UNC13C: variants seen among roughly 807,000 people sequenced by gnomAD.
The protein encoded by UNC13C is unc-13 homolog C.
In UNC13C, 174 loss-of-function variants were observed where a neutral mutation model predicts 245.4. That is an observed-to-expected ratio of 0.71 (90% CI 0.63 to 0.80). UNC13C has a LOEUF of 0.80. Among genes scored for constraint, UNC13C ranks in the 30% least tolerant of loss-of-function variants. The probability of loss-of-function intolerance (pLI) is 0.00; values close to 1 mark genes in which losing one functional copy is unlikely to be tolerated. For synonymous variants in UNC13C, 992 were observed against 895.1 expected (o/e 1.11, Z -1.93); for missense variants, 2,829 against 2,602.9 (o/e 1.09, Z -1.89).
At chr15:54,236,516 G>A in intron 6 of UNC13C, 81 bp downstream of exon 6, 2 of 1,051,912 alleles carry the variant, frequency 1.9e-6, no homozygotes, top group East Asian at 2.5e-5. Context: ...GGTAAAAGAG[G>A]GCAAGAATGG....
chr15:54,273,724 A>T (rs897588982), intron 10 of UNC13C, among the ~76,000 whole-genome samples: 2 of 152,196 alleles, frequency 1.3e-5, no homozygotes, highest in Non-Finnish European at 2.9e-5. Flanking sequence ...CACTACAACC[A>T]ACTGATCTAG....
chr15:54,278,458 C>T (rs892782803), intron 10 of UNC13C, among the ~76,000 whole-genome samples: 6 of 152,072 alleles, frequency 3.9e-5, no homozygotes, highest in Non-Finnish European at 5.9e-5. Context: ...AAAGCATTCA[C>T]TAATGTCTAA....
At chr15:53,976,465 C>CTTT (rs1893700978), upstream of UNC13C, among the ~76,000 whole-genome samples, 2 of 47,082 alleles carry the variant, frequency 4.2e-5, no homozygotes, top group Non-Finnish European at 5.3e-5. Flanking sequence ...CTTTCTCTCT[C>CTTT]TCTCTCTCTC....
At chr15:54,058,527 G>A (rs1438630606) in intron 2 of UNC13C, among the ~76,000 whole-genome samples, 2 of 152,158 alleles carry the variant, frequency 1.3e-5, no homozygotes, top group African/African-American at 4.8e-5. Flanking sequence ...AATTCTACCA[G>A]AGGTACAAGG....
At chr15:54,292,990 C>A (rs956032272) in intron 10 of UNC13C, among the ~76,000 whole-genome samples, 3 of 149,630 alleles carry the variant, frequency 2.0e-5, no homozygotes, top group African/African-American at 7.3e-5. Context: ...TGTATATTCT[C>A]CTTATATGTG....
At chr15:54,459,770 A>C (rs765929608) in intron 19 of UNC13C, among the ~76,000 whole-genome samples, 1 of 150,768 alleles carries the variant, frequency 6.6e-6, no homozygotes, top group Non-Finnish European at 1.5e-5. Flanking sequence ...TATGATGTCT[A>C]TTTATCTGGA....
the UNC13C span, among the ~76,000 whole-genome samples, chr15:53,875,018 G>A: frequency 3.5e-4 from 53 of 152,178 alleles, no homozygotes; most frequent in African/African-American, 1.1e-3. Context: ...GCATGAACCC[G>A]GGAGGTGGAG....
intron 19 of UNC13C, among the ~76,000 whole-genome samples, chr15:54,471,289 G>A (rs1892450243): frequency 6.6e-6 from 1 of 151,438 alleles, no homozygotes; most frequent in Non-Finnish European, 1.5e-5. Context: ...GTTGAAAGTA[G>A]GATACTGAAA....
chr15:53,925,084 C>T, the UNC13C span, among the ~76,000 whole-genome samples: 5 of 152,030 alleles, frequency 3.3e-5, no homozygotes, highest in African/African-American at 1.2e-4. Flanking sequence ...GAAAACAGCA[C>T]TTAGTTTCAT....
At position 54,348,397 on chromosome 15, in the gene UNC13C, T is replaced by C. The variant is rs1025288536; in HGVS notation, c.4713+9908T>C. On this transcript the variant is annotated intron_variant, in intron 17 of 32. Coordinates refer to ENST00000260323, the MANE Select transcript of UNC13C (RefSeq NM_001080534.3). Reference sequence around the variant, plus strand: ...CTTTTGTCTGATACCCATGGTAACATTGAGTTTAGTGAAAACAGAAACTCT... The same window carrying C: ...CTTTTGTCTGATACCCATGGTAACACTGAGTTTAGTGAAAACAGAAACTCT... Among the ~76,000 whole-genome samples the C allele has an allele frequency of 2.6e-5, 4 of 152,300 alleles. No individual in the cohort carries two copies. The East Asian group carries it at 5.8e-4, about 22-fold the overall frequency.
chr15:53,873,136 C>T, the UNC13C span, among the ~76,000 whole-genome samples: 11 of 89,216 alleles, frequency 1.2e-4, no homozygotes, highest in South Asian at 3.9e-4. Context: ...GACAGGGACA[C>T]GTTTTTTTTT....
chr15:54,380,627 CT>C (rs1041060013), intron 17 of UNC13C, among the ~76,000 whole-genome samples: 3 of 147,932 alleles, frequency 2.0e-5, no homozygotes, highest in African/African-American at 7.3e-5. Context: ...CACGTGTTAT[CT>C]TTTGTTTTTT....
chr15:54,408,723 G>A (rs1001019055), intron 18 of UNC13C, among the ~76,000 whole-genome samples: 2 of 152,126 alleles, frequency 1.3e-5, no homozygotes, highest in Non-Finnish European at 2.9e-5. Flanking sequence ...CAGTAGTTTG[G>A]TGTGTTTTCT....
At chr15:54,538,884 C>T (rs185076893) in intron 26 of UNC13C, among the ~76,000 whole-genome samples, 2 of 151,972 alleles carry the variant, frequency 1.3e-5, no homozygotes, top group East Asian at 1.9e-4. Flanking sequence ...TCAAAAACTA[C>T]GTATTGGGTA....
chr15:54,004,804 T>C (rs941325720), intron 1 of UNC13C, among the ~76,000 whole-genome samples: 3 of 152,226 alleles, frequency 2.0e-5, no homozygotes, highest in African/African-American at 7.2e-5. Context: ...TTGTATATAT[T>C]CTTTTGATAA....
intron 2 of UNC13C, among the ~76,000 whole-genome samples, chr15:54,024,648 G>T (rs766750413): frequency 4.6e-5 from 7 of 152,166 alleles, no homozygotes; most frequent in African/African-American, 7.2e-5. Flanking sequence ...GCCGGGCGCG[G>T]TGGCTCACGT....
intron 2 of UNC13C, among the ~76,000 whole-genome samples, chr15:54,030,438 G>C: frequency 6.6e-6 from 1 of 152,164 alleles, no homozygotes; most frequent in African/African-American, 2.4e-5. Flanking sequence ...TGCAGTCCAG[G>C]TGTGAGAGAA....
intron 30 of UNC13C, among the ~76,000 whole-genome samples, chr15:54,617,193 AAAAT>A (rs1412961202): frequency 2.5e-4 from 38 of 152,144 alleles, no homozygotes; most frequent in Non-Finnish European, 1.5e-4. Context: ...GTGAAAATGC[AAAAT>A]AAATGTCAGA....
chr15:54,228,530 C>T (rs746040647), intron 4 of UNC13C, among the ~76,000 whole-genome samples: 1 of 152,136 alleles, frequency 6.6e-6, no homozygotes. Flanking sequence ...GGCTACGGCT[C>T]CTGATTATTC....
Sources: gnomAD v4.1 joint callset for allele counts (sites outside exome capture counted in the v4.1 genomes callset) on GRCh38, gnomAD v4.1.1 for gene constraint, MANE v1.5 for transcripts, NCBI Gene and HGNC (gene_info 2026-07-23, HGNC 2026-07-21) for gene names.